The following FAM135B variants were observed in gnomAD, a reference collection of about 807,000 sequenced individuals.
FAM135B encodes family with sequence similarity 135 member B.
A neutral mutation model predicts 127.7 loss-of-function variants in FAM135B; 43 were observed. The ratio of observed to expected loss-of-function variants is 0.34; its 90% CI spans 0.26 to 0.43. The LOEUF (loss-of-function observed/expected upper bound fraction) is 0.43. FAM135B is among the 20% of genes least tolerant of loss of function. The pLI is 1.00. For missense variants in FAM135B, 1,558 were observed against 1,725.6 expected, an observed-to-expected ratio of 0.90 and a Z score of 1.72; for synonymous variants, 670 against 665.1, an observed-to-expected ratio of 1.01 and a Z score of -0.11.
At chr8:138,301,991 G>A (rs183063340) in intron 3 of FAM135B, among the ~76,000 whole-genome samples, 25 of 152,198 alleles carry the variant, frequency 1.6e-4, no homozygotes, top group Admixed American at 5.9e-4. Flanking sequence ...GTAAAACTCC[G>A]TCAGGACTAA....
intron 1 of FAM135B, among the ~76,000 whole-genome samples, chr8:138,389,418 T>C (rs1186992277): frequency 2.0e-5 from 3 of 152,204 alleles, no homozygotes; most frequent in Non-Finnish European, 2.9e-5. Context: ...GAAATGGCCA[T>C]CAACTGATAA....
chr8:138,195,235 C>G, intron 9 of FAM135B, 23 bp downstream of exon 9: 1 of 1,611,884 alleles, frequency 6.2e-7, no homozygotes, highest in Non-Finnish European at 8.5e-7. Context: ...TCATTCAGAC[C>G]CCAGCGCCAG....
intron 2 of FAM135B, among the ~76,000 whole-genome samples, chr8:138,360,728 G>C (rs773774324): frequency 1.3e-5 from 2 of 152,118 alleles, no homozygotes; most frequent in Admixed American, 6.5e-5. Flanking sequence ...TACTTAGTTG[G>C]TCTGGAGGAT....
At chr8:138,461,505 G>T (rs1261947788) in intron 1 of FAM135B, among the ~76,000 whole-genome samples, 1 of 152,162 alleles carries the variant, frequency 6.6e-6, no homozygotes, top group African/African-American at 2.4e-5. Context: ...ATGACCTCAG[G>T]ATTGACATTT....
At chr8:138,351,221 C>T (rs1373239249) in intron 2 of FAM135B, among the ~76,000 whole-genome samples, 1 of 152,148 alleles carries the variant, frequency 6.6e-6, no homozygotes, top group African/African-American at 2.4e-5. Context: ...CTCCTAGTAC[C>T]TCAGAATGTG....
At chr8:138,328,048 G>A (rs549764214) in intron 2 of FAM135B, among the ~76,000 whole-genome samples, 72 of 152,070 alleles carry the variant, frequency 4.7e-4, no homozygotes, top group African/African-American at 1.4e-3. Flanking sequence ...TTCTTGTCTC[G>A]GGGAACAAGC....
intron 2 of FAM135B, 26 bp from the exon 3 acceptor site, chr8:138,310,946 G>A (rs1202967936): frequency 2.0e-5 from 31 of 1,580,884 alleles, no homozygotes; most frequent in Non-Finnish European, 2.7e-5. Flanking sequence ...AGGACAGGGT[G>A]CTGAAGATCA....
rs757138084 is a variant in FAM135B at position 138,152,810 on chromosome 8, G to T, written c.1665C>A (p.Asp555Glu). 6.2e-7 allele frequency: 1 copy of T among 1,613,972 alleles called. No homozygotes were observed. Among genetic ancestry groups the T allele is most frequent in the Non-Finnish European group, 8.5e-7 (1 of 1,180,046 alleles). ...DGQAPVLTYIDVKSSNKNPSR... is the reference protein window; with the variant it reads ...DGQAPVLTYIEVKSSNKNPSR... The stretch of plus-strand genomic sequence containing the variant: ...AGGGGTTCTTATTGCTAGATTTTAC[G>T]TCAATGTAGGTCAGCACTGGGGCCT... Residue 555 changes from aspartate to glutamate, a missense_variant, in exon 13 of 20, where the codon GAC becomes GAA. Physicochemically the swap from Asp to Glu is conservative, Grantham distance 45. Transcript: ENST00000395297.
chr8:138,374,584 C>T (rs1309385345), intron 1 of FAM135B, among the ~76,000 whole-genome samples: 1 of 152,078 alleles, frequency 6.6e-6, no homozygotes, highest in Non-Finnish European at 1.5e-5. Flanking sequence ...AATGGTAACA[C>T]CAGACAACAG....
At chr8:138,352,373 G>A in intron 2 of FAM135B, among the ~76,000 whole-genome samples, 1 of 152,156 alleles carries the variant, frequency 6.6e-6, no homozygotes, top group Non-Finnish European at 1.5e-5. Context: ...GTACCCCATA[G>A]ATGTGTACAA....
At chr8:138,379,341 G>A (rs1283757836) in intron 1 of FAM135B, among the ~76,000 whole-genome samples, 2 of 151,962 alleles carry the variant, frequency 1.3e-5, no homozygotes, top group African/African-American at 4.8e-5. Flanking sequence ...TATCTACTTA[G>A]TAGTGATTCA....
chr8:138,470,223 AT>A (rs1365947374), intron 1 of FAM135B, among the ~76,000 whole-genome samples: 2 of 152,194 alleles, frequency 1.3e-5, no homozygotes, highest in African/African-American at 4.8e-5. Context: ...TCTCCTAAAC[AT>A]TTTAGAACAC....
intron 1 of FAM135B, among the ~76,000 whole-genome samples, chr8:138,417,595 A>G (rs915268073): frequency 6.6e-6 from 1 of 152,256 alleles, no homozygotes. Context: ...TGGACTGGGG[A>G]CACCTTGGCT....
At chr8:138,220,644 AG>A (rs1324034894) in intron 7 of FAM135B, among the ~76,000 whole-genome samples, 1 of 152,186 alleles carries the variant, frequency 6.6e-6, no homozygotes, top group Non-Finnish European at 1.5e-5. Context: ...GAAGAGGGTG[AG>A]GGGGATGGTA....
chr8:138,214,639 A>G (rs1009438033), intron 7 of FAM135B, among the ~76,000 whole-genome samples: 10 of 152,314 alleles, frequency 6.6e-5, no homozygotes, highest in Middle Eastern at 3.4e-3. Flanking sequence ...TCTAAAATAC[A>G]TAGTTAGCCA....
Position 138,152,266 on chromosome 8 carries a change from T to C in FAM135B, c.2209A>G (p.Thr737Ala), listed in dbSNP as rs1818235925. 4 of 1,614,102 alleles carry C rather than the reference T, an allele frequency of 2.5e-6. No individual in the cohort carries two copies. Among genetic ancestry groups the C allele is most frequent in the Non-Finnish European group, 3.4e-6 (4 of 1,180,032 alleles). ...GCCTGGATGCCGCTTGGCAAACTTG[T>C]GTTACTTTCTGTGTGTCCACCCTCT... ...SLEGGHTESN[T>A]SLPSGIQASL... The change falls in exon 13 of 20, where the codon ACA becomes GCA. Residue 737 changes from threonine to alanine, a missense_variant. By Grantham distance (58) the Thr-to-Ala change is moderately conservative. Coordinates refer to ENST00000395297, the MANE Select transcript of FAM135B (RefSeq NM_015912.4).
intron 1 of FAM135B, among the ~76,000 whole-genome samples, chr8:138,372,963 C>A (rs79957403): frequency 0.014 from 2,092 of 152,252 alleles, 47 homozygotes; most frequent in African/African-American, 0.047. Context: ...GGCATTTAAA[C>A]CCTGCCTTGA....
intron 3 of FAM135B, among the ~76,000 whole-genome samples, chr8:138,279,687 T>G (rs1824113450): frequency 6.6e-6 from 1 of 152,206 alleles, no homozygotes; most frequent in Admixed American, 6.5e-5. Context: ...TTCCGCCTGT[T>G]TATTCATCTA....
chr8:138,311,950 G>C (rs1223697050), intron 2 of FAM135B, among the ~76,000 whole-genome samples: 1 of 152,070 alleles, frequency 6.6e-6, no homozygotes, highest in African/African-American at 2.4e-5. Context: ...TCTGTAAAAT[G>C]AATATATATA....
Sources: allele counts gnomAD v4.1 joint callset (sites outside exome capture counted in the v4.1 genomes callset), GRCh38; gene constraint gnomAD v4.1.1; transcripts MANE v1.5; gene names NCBI Gene and HGNC (gene_info 2026-07-23, HGNC 2026-07-21).